RANBP9: variants seen among roughly 807,000 people sequenced by gnomAD.
RANBP9 encodes ran-binding protein 9.
RANBP9 carries 15 observed loss-of-function variants against 84.3 expected under a neutral mutation model. The ratio of observed to expected loss-of-function variants is 0.18; its 90% CI spans 0.12 to 0.27. The LOEUF (loss-of-function observed/expected upper bound fraction) is 0.27. RANBP9 is among the 10% of genes least tolerant of loss of function. RANBP9 has a pLI of 1.00. For missense variants in RANBP9, 809 were observed against 912.8 expected (o/e 0.89, Z 1.46); for synonymous variants, 392 against 349.6 (o/e 1.12, Z -1.35).
chr6:13,699,002 C>A (rs564181811), intron 1 of RANBP9, among the ~76,000 whole-genome samples: 6 of 152,306 alleles, frequency 3.9e-5, no homozygotes, highest in African/African-American at 1.4e-4. Context: ...AGTAAACAGT[C>A]TCTCAAAGAG....
At chr6:13,642,362 A>G (rs1765087668) in intron 7 of RANBP9, 117 bp downstream of exon 7, 1 of 410,900 alleles carries the variant, frequency 2.4e-6, no homozygotes, top group African/African-American at 2.1e-5. Context: ...AGAGGCATCC[A>G]TTTTAAATTA....
intron 12 of RANBP9, among the ~76,000 whole-genome samples, chr6:13,629,915 C>CGTGTG (rs1465606638): frequency 6.3e-5 from 8 of 126,352 alleles, no homozygotes; most frequent in Admixed American, 3.1e-4. Context: ...CTCTCTCTCT[C>CGTGTG]TCTCTCGTGT....
At chr6:13,673,754 T>C (rs1315618397) in intron 2 of RANBP9, among the ~76,000 whole-genome samples, 4 of 152,102 alleles carry the variant, frequency 2.6e-5, no homozygotes, top group Non-Finnish European at 1.5e-5. Flanking sequence ...TAGTATTTTA[T>C]ACAGAAAAGA....
chr6:13,641,504 T>C (rs1385099625), intron 7 of RANBP9, among the ~76,000 whole-genome samples, 197 bp from the exon 8 acceptor site: 2 of 148,018 alleles, frequency 1.4e-5, no homozygotes, highest in African/African-American at 5.1e-5. Flanking sequence ...GAAAAACAAG[T>C]ACGGTCACAA....
chr6:13,700,751 G>A (rs992710029), intron 1 of RANBP9, among the ~76,000 whole-genome samples: 4 of 152,114 alleles, frequency 2.6e-5, no homozygotes, highest in Non-Finnish European at 4.4e-5. Flanking sequence ...AAGACCCAGA[G>A]TCTAAAGCTG....
intron 3 of RANBP9, 47 bp downstream of exon 3, chr6:13,658,733 A>C (rs745635421): frequency 8.5e-6 from 12 of 1,413,700 alleles, no homozygotes; most frequent in Non-Finnish European, 1.2e-5. Flanking sequence ...TTTAACCAGA[A>C]AGAGCTACTC....
intron 2 of RANBP9, among the ~76,000 whole-genome samples, chr6:13,682,206 T>C (rs527929016): frequency 1.3e-5 from 2 of 152,214 alleles, no homozygotes; most frequent in South Asian, 4.1e-4. Context: ...ATGTAAATGT[T>C]TTATATAATT....
intron 10 of RANBP9, among the ~76,000 whole-genome samples, chr6:13,636,015 T>G (rs893652164): frequency 4.6e-5 from 7 of 152,144 alleles, no homozygotes; most frequent in Non-Finnish European, 1.0e-4. Flanking sequence ...TGATGGAAGT[T>G]AATCACAAAA....
chr6:13,641,402 T>A, intron 7 of RANBP9, 95 bp from the exon 8 acceptor site: 1 of 694,886 alleles, frequency 1.4e-6, no homozygotes, highest in Non-Finnish European at 2.4e-6. Flanking sequence ...AAGAAATCTT[T>A]AAATAAATTA....
chr6:13,665,571 G>A (rs1765626304), intron 2 of RANBP9, among the ~76,000 whole-genome samples: 1 of 152,124 alleles, frequency 6.6e-6, no homozygotes, highest in African/African-American at 2.4e-5. Flanking sequence ...CTGAAACAAA[G>A]GCTGGCAGTT....
intron 2 of RANBP9, among the ~76,000 whole-genome samples, chr6:13,692,813 A>C (rs151291752): frequency 1.3e-5 from 2 of 152,176 alleles, no homozygotes; most frequent in African/African-American, 4.8e-5. Context: ...AGATCGTGCC[A>C]CTGCACTCCA....
At chr6:13,637,208 C>A (rs993205672) in intron 10 of RANBP9, among the ~76,000 whole-genome samples, 1 of 152,186 alleles carries the variant, frequency 6.6e-6, no homozygotes, top group Non-Finnish European at 1.5e-5. Context: ...CAAAGTGAGA[C>A]ACCCTACCTA....
In RANBP9 at chr6:13,625,699, C is replaced by A. The variant is rs148820800; in HGVS notation, c.2013G>T (p.Pro671=). 8.1e-6 allele frequency: 13 copies of A among 1,613,112 alleles called. No individual in the cohort carries two copies. Among genetic ancestry groups the A allele is most frequent in the Non-Finnish European group, 4.2e-6 (5 of 1,179,256 alleles). Reference sequence around the variant, plus strand: ...CTGAGCACACAGGTTCTCTCTGAATCGGGTCAAGCTGATTTCCAACTGGGC... The same window carrying A: ...CTGAGCACACAGGTTCTCTCTGAATAGGGTCAAGCTGATTTCCAACTGGGC... The part of the protein sequence containing the change: ...WNSPVGNQLD[P]IQREPVCSAL... The change falls in exon 13 of 14, where the codon CCG becomes CCT. Residue 671 remains proline (P), a synonymous_variant. Coordinates refer to ENST00000011619, the MANE Select transcript of RANBP9 (RefSeq NM_005493.3).
At chr6:13,632,642 A>G (rs2127761785) in intron 11 of RANBP9, 121 bp from the exon 12 acceptor site, 5 of 935,386 alleles carry the variant, frequency 5.3e-6, no homozygotes, top group East Asian at 2.5e-5. Flanking sequence ...TTTCATCTAA[A>G]TATGCAGATT....
At chr6:13,686,481 T>C (rs989268596) in intron 2 of RANBP9, among the ~76,000 whole-genome samples, 1 of 151,622 alleles carries the variant, frequency 6.6e-6, no homozygotes, top group Non-Finnish European at 1.5e-5. Flanking sequence ...GACAGGGTTT[T>C]ACCATGTTGG....
intron 2 of RANBP9, among the ~76,000 whole-genome samples, chr6:13,690,558 G>A (rs1364776735): frequency 3.3e-5 from 5 of 152,204 alleles, no homozygotes; most frequent in Non-Finnish European, 1.5e-5. Context: ...AGAACAGAGA[G>A]ACTGAATTAC....
At chr6:13,658,903 G>C in intron 2 of RANBP9, 71 bp from the exon 3 acceptor site, 1 of 1,414,224 alleles carries the variant, frequency 7.1e-7, no homozygotes, top group Non-Finnish European at 1.0e-6. Flanking sequence ...TTACCAAACA[G>C]TCTCAAACAA....
At chr6:13,673,204 T>A (rs1046806595) in intron 2 of RANBP9, among the ~76,000 whole-genome samples, 9 of 152,172 alleles carry the variant, frequency 5.9e-5, no homozygotes, top group African/African-American at 2.2e-4. Flanking sequence ...TATATCAGAT[T>A]TCTCTTCAGA....
intron 1 of RANBP9, among the ~76,000 whole-genome samples, chr6:13,700,467 C>T (rs1363322043): frequency 7.0e-6 from 1 of 142,526 alleles, no homozygotes; most frequent in Non-Finnish European, 1.5e-5. Flanking sequence ...CTATTCCCTC[C>T]ACCTTTCCTT....
Sources: allele counts gnomAD v4.1 joint callset (sites outside exome capture counted in the v4.1 genomes callset), GRCh38; gene constraint gnomAD v4.1.1; transcripts MANE v1.5; gene names NCBI Gene and HGNC (gene_info 2026-07-23, HGNC 2026-07-21).